GPC5: variants seen among roughly 807,000 people sequenced by gnomAD.
GPC5 encodes the protein glypican-5.
Under a neutral mutation model 53.9 loss-of-function variants are expected in GPC5, and 47 were observed. That is an observed-to-expected ratio of 0.87 (90% CI 0.69 to 1.11). The LOEUF is 1.11. Among genes scored for constraint, GPC5 ranks in the 50% most tolerant of loss-of-function variants. The pLI, the probability that GPC5 is intolerant of heterozygous loss-of-function variation, is 0.00. For missense variants in GPC5, 748 were observed against 713.1 expected, an observed-to-expected ratio of 1.05 and a Z score of -0.56; for synonymous variants, 286 against 263.3, an observed-to-expected ratio of 1.09 and a Z score of -0.84.
At chr13:91,997,579 C>T (rs1234002512) in intron 6 of GPC5, among the ~76,000 whole-genome samples, 2 of 152,142 alleles carry the variant, frequency 1.3e-5, no homozygotes, top group Non-Finnish European at 2.9e-5. Context: ...AGTGCAGTGG[C>T]GTGATCTCAG....
chr13:92,067,176 T>A (rs2041174070), intron 6 of GPC5, among the ~76,000 whole-genome samples: 1 of 152,078 alleles, frequency 6.6e-6, no homozygotes, highest in African/African-American at 2.4e-5. Flanking sequence ...TTTGGGACTA[T>A]TTGCTCCGTT....
At chr13:92,179,999 A>C (rs1349695442) in intron 7 of GPC5, among the ~76,000 whole-genome samples, 1 of 152,346 alleles carries the variant, frequency 6.6e-6, no homozygotes, top group Admixed American at 6.5e-5. Flanking sequence ...CTTCGGTTTG[A>C]GTCACAAGAC....
At chr13:92,241,573 T>A (rs1157682604) in intron 7 of GPC5, 1 of 152,196 alleles carries the variant, frequency 6.6e-6, no homozygotes, top group East Asian at 1.9e-4. Flanking sequence ...TTACCTTAGA[T>A]GGTTTTATTT....
chr13:92,229,874 C>T (rs114039849), intron 7 of GPC5, among the ~76,000 whole-genome samples: 5,430 of 152,024 alleles, frequency 0.036, 342 homozygotes, highest in African/African-American at 0.12. Flanking sequence ...CCACTTGACA[C>T]TTTTTAAAAA....
chr13:92,240,295 T>G (rs968777571), intron 7 of GPC5: 1 of 152,046 alleles, frequency 6.6e-6, no homozygotes, highest in Non-Finnish European at 1.5e-5. Context: ...GGTGCTTTTT[T>G]TTTTGTGGAA....
intron 6 of GPC5, among the ~76,000 whole-genome samples, chr13:92,025,481 A>G (rs1299995634): frequency 6.6e-6 from 1 of 152,160 alleles, no homozygotes; most frequent in Non-Finnish European, 1.5e-5. Flanking sequence ...ATCAGCTCAT[A>G]AGCAGATAAG....
intron 7 of GPC5, among the ~76,000 whole-genome samples, chr13:92,396,593 A>G (rs1189669738): frequency 6.6e-6 from 1 of 152,114 alleles, no homozygotes; most frequent in African/African-American, 2.4e-5. Flanking sequence ...ATAGGTAAAC[A>G]TGTTCCATGG....
intron 2 of GPC5, among the ~76,000 whole-genome samples, chr13:91,554,488 T>C (rs2030830514): frequency 6.6e-6 from 1 of 152,062 alleles, no homozygotes; most frequent in South Asian, 2.1e-4. Context: ...TTTTAAGTGG[T>C]AAAAAAGCAG....
intron 7 of GPC5, among the ~76,000 whole-genome samples, chr13:92,360,253 C>T (rs12865555): frequency 0.01 from 1,571 of 151,588 alleles, 30 homozygotes; most frequent in Middle Eastern, 0.048. Context: ...TGAATCTAGC[C>T]GCACATCAAA....
chr13:91,440,057 T>G (rs1880305589), intron 1 of GPC5, among the ~76,000 whole-genome samples: 1 of 152,226 alleles, frequency 6.6e-6, no homozygotes, highest in Admixed American at 6.5e-5. Context: ...ATAGTGTTCT[T>G]AGACATGATT....
At chr13:92,648,237 T>C (rs971686333) in intron 7 of GPC5, among the ~76,000 whole-genome samples, 8 of 152,124 alleles carry the variant, frequency 5.3e-5, no homozygotes, top group African/African-American at 9.7e-5. Context: ...TCTTATTAGA[T>C]AGAATTATGC....
chr13:92,141,200 A>G (rs2041828170), intron 6 of GPC5, among the ~76,000 whole-genome samples: 1 of 152,138 alleles, frequency 6.6e-6, no homozygotes, highest in Non-Finnish European at 1.5e-5. Context: ...TGAGAGTGAA[A>G]GTGTACATTG....
chr13:91,419,152 G>A (rs1878434745), intron 1 of GPC5, among the ~76,000 whole-genome samples: 1 of 151,978 alleles, frequency 6.6e-6, no homozygotes. Flanking sequence ...TGAGCAAGAA[G>A]GAATCAAGCA....
chr13:92,561,414 A>G (rs1882689814), intron 7 of GPC5, among the ~76,000 whole-genome samples: 2 of 152,068 alleles, frequency 1.3e-5, no homozygotes, highest in African/African-American at 2.4e-5. Context: ...TGAACAAGTC[A>G]CTTAAATGCT....
intron 5 of GPC5, among the ~76,000 whole-genome samples, chr13:91,802,479 C>T (rs1200167608): frequency 1.3e-5 from 2 of 152,122 alleles, no homozygotes; most frequent in Non-Finnish European, 2.9e-5. Context: ...AGCAAAAGAA[C>T]AAAGCTTCCA....
chr13:91,452,352 C>T (rs768147775), intron 2 of GPC5, among the ~76,000 whole-genome samples: 1 of 152,070 alleles, frequency 6.6e-6, no homozygotes, highest in African/African-American at 2.4e-5. Flanking sequence ...GGCAATCATC[C>T]ATGAAGTATT....
intron 6 of GPC5, among the ~76,000 whole-genome samples, chr13:91,931,504 A>G (rs889874505): frequency 3.9e-5 from 6 of 152,014 alleles, no homozygotes; most frequent in African/African-American, 1.4e-4. Context: ...CCTTGTTCAC[A>G]TGGAATTTCT....
chr13:91,569,312 A>G (rs2031677191), intron 2 of GPC5, among the ~76,000 whole-genome samples: 1 of 152,138 alleles, frequency 6.6e-6, no homozygotes, highest in African/African-American at 2.4e-5. Flanking sequence ...TATCATACCC[A>G]AGATAAGTTC....
At chr13:92,496,243 T>C (rs1014395398) in intron 7 of GPC5, among the ~76,000 whole-genome samples, 2 of 152,226 alleles carry the variant, frequency 1.3e-5, no homozygotes, top group Non-Finnish European at 2.9e-5. Context: ...GAGTATTATG[T>C]ATTCAAAATC....
Sources: allele counts gnomAD v4.1 joint callset (sites outside exome capture counted in the v4.1 genomes callset), GRCh38; gene constraint gnomAD v4.1.1; transcripts MANE v1.5; gene names NCBI Gene and HGNC (gene_info 2026-07-23, HGNC 2026-07-21).